CD96: variants seen among roughly 807,000 people sequenced by gnomAD.
CD96 encodes T-cell surface protein tactile.
In CD96, 70 loss-of-function variants were observed where a neutral mutation model predicts 71.3. That is an observed-to-expected ratio of 0.98 (90% CI 0.81 to 1.20). The LOEUF (loss-of-function observed/expected upper bound fraction) is 1.20, where lower values mean the gene tolerates loss of function less well. Ranked by LOEUF, CD96 falls within the 50% of genes most tolerant of loss-of-function variation. CD96 has a pLI of 0.00. For synonymous variants in CD96, 248 were observed against 233.0 expected, an observed-to-expected ratio of 1.06 and a Z score of -0.59; for missense variants, 742 against 677.5, an observed-to-expected ratio of 1.10 and a Z score of -1.06.
At chr3:111,564,379 A>G (rs1294822668) in intron 2 of CD96, among the ~76,000 whole-genome samples, 1 of 151,628 alleles carries the variant, frequency 6.6e-6, no homozygotes, top group Non-Finnish European at 1.5e-5. Flanking sequence ...CCCTCATTCT[A>G]TTTTGAAAAT....
rs1182238480 is a variant in CD96 at position 111,567,619 on chromosome 3, C to A, written c.515C>A (p.Ser172Ter). The change falls in exon 3 of 14, where the codon TCA becomes TAA. Residue 172 changes from serine to a stop codon, truncating the protein, a stop_gained. Coordinates refer to ENST00000352690, the MANE Select transcript of CD96 (RefSeq NM_005816.5). LOFTEE classifies it high-confidence loss of function. ...PCFQNSSSKI[S>*]SEFTYAWSVE... is the part of the protein sequence containing the mutation. ...TTTCAAAATAGCTCCTCAAAAATTT[C>A]ATCTGAGTTCACCTATGCATGGTCG... The A allele has an allele frequency of 1.2e-6, 2 of 1,613,022 alleles. No homozygotes were observed. The highest frequency in any genetic ancestry group is 2.7e-5 in the African/African-American group (2 of 74,894).
At chr3:111,547,114 C>G (rs968910) in intron 2 of CD96, among the ~76,000 whole-genome samples, 16,417 of 152,210 alleles carry the variant, frequency 0.11, 1,253 homozygotes, top group East Asian at 0.31. Context: ...TTTCAAGTTT[C>G]TTACATAACA....
At chr3:111,642,470 C>G (rs2107770861) in intron 12 of CD96, among the ~76,000 whole-genome samples, 1 of 152,214 alleles carries the variant, frequency 6.6e-6, no homozygotes, top group Middle Eastern at 3.4e-3. Flanking sequence ...CTAAACAGAC[C>G]AATAAGAAGC....
At position 111,649,563 on chromosome 3, in the gene CD96, C is replaced by T. The variant is rs1939983929; in HGVS notation, c.1602-135C>T. On this transcript the variant is annotated intron_variant, in intron 13 of 13. Transcript: ENST00000352690. The stretch of plus-strand genomic sequence containing the variant: ...GCACAGGGTTATGCCAGCAAAAATG[C>T]TGAAAGAACTGGGAGAGTATGTCTC... The T allele has an allele frequency of 1.4e-5, 10 of 728,474 alleles. No homozygotes were observed. In the South Asian group the frequency reaches 1.5e-4, roughly 11 times the overall value. The allele number at this position is 728,474 out of a possible 1,614,324, so 45.1% of individuals were successfully genotyped here. A position where few individuals can be genotyped will look rare whatever the true frequency, so the allele number is the denominator to read the frequency against.
chr3:111,596,309 A>G (rs912203627), intron 5 of CD96, among the ~76,000 whole-genome samples: 2 of 152,206 alleles, frequency 1.3e-5, no homozygotes, highest in South Asian at 4.1e-4. Flanking sequence ...TAGGAATGAG[A>G]CTGGGAGGAG....
chr3:111,582,849 A>G (rs1278431303), intron 4 of CD96, among the ~76,000 whole-genome samples: 3 of 152,174 alleles, frequency 2.0e-5, no homozygotes, highest in South Asian at 2.1e-4. Flanking sequence ...GGGAGACACA[A>G]TTCAAGTTGA....
At chr3:111,555,843 A>G (rs1352809389) in intron 2 of CD96, among the ~76,000 whole-genome samples, 9 of 152,300 alleles carry the variant, frequency 5.9e-5, no homozygotes, top group African/African-American at 2.2e-4. Context: ...TTTTCTTCAA[A>G]TATTTGATCC....
intron 12 of CD96, among the ~76,000 whole-genome samples, chr3:111,639,896 C>T (rs990595015): frequency 2.6e-5 from 4 of 152,114 alleles, no homozygotes; most frequent in Admixed American, 6.5e-5. Context: ...CACTGCCGTT[C>T]GGCTCACAGG....
chr3:111,626,898 T>C (rs1190936142), intron 10 of CD96, among the ~76,000 whole-genome samples: 1 of 152,174 alleles, frequency 6.6e-6, no homozygotes, highest in Non-Finnish European at 1.5e-5. Context: ...GCCTTAGACG[T>C]AATATGTGAT....
In CD96 at chr3:111,598,158, A is replaced by G. The variant is rs777558910; in HGVS notation, c.846A>G (p.Lys282=). 3.3e-6 allele frequency: 5 copies of G among 1,503,700 alleles called. No homozygotes were observed. The highest frequency in any genetic ancestry group is 3.7e-6 in the Non-Finnish European group (4 of 1,080,016). The allele number at this position is 1,503,700 out of a possible 1,614,324, so 93.1% of individuals were successfully genotyped here. A position where few individuals can be genotyped will look rare whatever the true frequency, so the allele number is the denominator to read the frequency against. The change falls in exon 6 of 14, where the codon AAA becomes AAG. Residue 282 remains lysine, a synonymous_variant. Transcript: ENST00000352690. The part of the protein sequence containing the change: ...FTCLLKNVFP[K]ANITWFIDGS... ...GCTTACTAAAGAATGTATTTCCCAA[A>G]GCAAATATCACATGGTTTATAGATG...
intron 4 of CD96, among the ~76,000 whole-genome samples, chr3:111,580,352 G>C (rs1462718864): frequency 6.6e-6 from 1 of 152,128 alleles, no homozygotes; most frequent in East Asian, 1.9e-4. Context: ...ATTAATGAAG[G>C]GAAGCCTCTG....
chr3:111,663,406 A>G (rs954262331), intron 14 of CD96, among the ~76,000 whole-genome samples: 1 of 152,238 alleles, frequency 6.6e-6, no homozygotes, highest in African/African-American at 2.4e-5. Flanking sequence ...AATTGTAACA[A>G]AAACAAAAGT....
downstream of CD96, among the ~76,000 whole-genome samples, chr3:111,653,511 A>G (rs1239858738): frequency 2.0e-5 from 3 of 152,264 alleles, no homozygotes; most frequent in African/African-American, 7.2e-5. Flanking sequence ...TGACTTCCCC[A>G]AAATAACTTT....
At chr3:111,554,250 G>A (rs1934872278) in intron 2 of CD96, among the ~76,000 whole-genome samples, 2 of 151,980 alleles carry the variant, frequency 1.3e-5, no homozygotes, top group African/African-American at 4.8e-5. Flanking sequence ...TTCCAATCAT[G>A]AACTCTATCT....
chr3:111,575,058 T>C (rs570090048), intron 3 of CD96, among the ~76,000 whole-genome samples: 1 of 152,228 alleles, frequency 6.6e-6, no homozygotes, highest in East Asian at 1.9e-4. Flanking sequence ...CCTCCCAAAG[T>C]GCTGGAATTA....
chr3:111,640,191 G>A (rs1939526387), intron 12 of CD96, among the ~76,000 whole-genome samples: 2 of 152,132 alleles, frequency 1.3e-5, no homozygotes, highest in Middle Eastern at 6.8e-3. Flanking sequence ...AATCAGAGAG[G>A]GACCAGAGAA....
At chr3:111,637,173 C>T in intron 10 of CD96, 23 bp from the exon 11 acceptor site, 1 of 1,331,734 alleles carries the variant, frequency 7.5e-7, no homozygotes, top group Non-Finnish European at 1.1e-6. Context: ...TAGGTTAACT[C>T]TTCTGATATC....
chr3:111,614,431 C>T (rs1938120993), intron 8 of CD96, among the ~76,000 whole-genome samples: 1 of 152,116 alleles, frequency 6.6e-6, no homozygotes, highest in African/African-American at 2.4e-5. Flanking sequence ...ATAAAAATTG[C>T]CATATTGACT....
chr3:111,577,309 C>A (rs1936262240), intron 3 of CD96, among the ~76,000 whole-genome samples: 1 of 152,162 alleles, frequency 6.6e-6, no homozygotes, highest in East Asian at 1.9e-4. Flanking sequence ...CAAGAGGCTG[C>A]CAAACGTACC....
Sources: allele counts gnomAD v4.1 joint callset (sites outside exome capture counted in the v4.1 genomes callset), GRCh38; gene constraint gnomAD v4.1.1; transcripts MANE v1.5; gene names NCBI Gene and HGNC (gene_info 2026-07-23, HGNC 2026-07-21).